Variants in LRRC4C observed in about 807,000 individuals in gnomAD.
The protein encoded by LRRC4C is leucine-rich repeat-containing protein 4C.
Under a neutral mutation model 33.6 loss-of-function variants are expected in LRRC4C, and 5 were observed. The ratio of observed to expected loss-of-function variants is 0.15; its 90% CI spans 0.08 to 0.31. The LOEUF (loss-of-function observed/expected upper bound fraction) is 0.31. Among genes scored for constraint, LRRC4C ranks in the 10% least tolerant of loss-of-function variants. LRRC4C has a pLI of 1.00. For missense variants in LRRC4C, 560 were observed against 796.7 expected (o/e 0.70, Z 3.58); for synonymous variants, 329 against 302.0 (o/e 1.09, Z -0.93).
chr11:41,458,463 G>T (rs1407604749), intron 1 of LRRC4C, among the ~76,000 whole-genome samples: 1 of 146,848 alleles, frequency 6.8e-6, no homozygotes, highest in South Asian at 2.2e-4. Flanking sequence ...ACAATGAAAT[G>T]ATATTTTGCT....
intron 4 of LRRC4C, among the ~76,000 whole-genome samples, chr11:40,250,816 T>C (rs1866732507): frequency 6.6e-6 from 1 of 152,158 alleles, no homozygotes. Context: ...ACATTCCTTA[T>C]TTCTGTAGAC....
At chr11:40,195,249 A>G (rs1417962864) in intron 5 of LRRC4C, among the ~76,000 whole-genome samples, 1 of 152,204 alleles carries the variant, frequency 6.6e-6, no homozygotes, top group African/African-American at 2.4e-5. Flanking sequence ...TACACACTAG[A>G]AAAGACTAGA....
At chr11:40,558,023 C>A (rs1054415711) in intron 3 of LRRC4C, among the ~76,000 whole-genome samples, 11 of 152,110 alleles carry the variant, frequency 7.2e-5, no homozygotes, top group Admixed American at 5.9e-4. Context: ...TTAATCCTAA[C>A]CCACTGTAAA....
intron 1 of LRRC4C, among the ~76,000 whole-genome samples, chr11:41,056,771 G>C (rs1206944627): frequency 6.6e-6 from 1 of 152,242 alleles, no homozygotes; most frequent in Non-Finnish European, 1.5e-5. Flanking sequence ...AACAGATGCT[G>C]ACAAGGTTAT....
At chr11:40,631,099 C>G (rs1018502209) in intron 3 of LRRC4C, among the ~76,000 whole-genome samples, 1 of 152,210 alleles carries the variant, frequency 6.6e-6, no homozygotes, top group Non-Finnish European at 1.5e-5. Flanking sequence ...CCTAATTCAT[C>G]TCCTGAATGT....
intron 5 of LRRC4C, among the ~76,000 whole-genome samples, chr11:40,214,648 A>G (rs911667523): frequency 2.0e-5 from 3 of 152,136 alleles, no homozygotes; most frequent in South Asian, 2.1e-4. Context: ...TAAGCACACT[A>G]CCAGAAGATT....
At chr11:40,724,580 T>A (rs1276144093) in intron 2 of LRRC4C, among the ~76,000 whole-genome samples, 1 of 152,074 alleles carries the variant, frequency 6.6e-6, no homozygotes, top group Non-Finnish European at 1.5e-5. Context: ...AAACACTACA[T>A]ACCAAAATCT....
intron 3 of LRRC4C, among the ~76,000 whole-genome samples, chr11:40,581,475 T>C (rs1017975992): frequency 5.3e-5 from 8 of 152,222 alleles, no homozygotes; most frequent in African/African-American, 1.9e-4. Context: ...TCTTTTTCTT[T>C]GTTTTGTTTC....
intron 4 of LRRC4C, among the ~76,000 whole-genome samples, chr11:40,301,402 G>T (rs1165678164): frequency 2.0e-5 from 3 of 152,198 alleles, no homozygotes; most frequent in Non-Finnish European, 4.4e-5. Context: ...GCACTGGGAA[G>T]AAAATTGCCC....
chr11:41,015,781 GA>G (rs558665591), intron 1 of LRRC4C, among the ~76,000 whole-genome samples: 11 of 152,118 alleles, frequency 7.2e-5, no homozygotes, highest in South Asian at 2.1e-4. Flanking sequence ...GTAGTGCTCA[GA>G]AACTTTCTTG....
At chr11:40,444,084 T>C (rs2137997752) in intron 3 of LRRC4C, among the ~76,000 whole-genome samples, 1 of 152,296 alleles carries the variant, frequency 6.6e-6, no homozygotes, top group African/African-American at 2.4e-5. Flanking sequence ...AATAATATTT[T>C]CTGACATTTA....
At chr11:40,453,035 GT>G (rs1215007043) in intron 3 of LRRC4C, among the ~76,000 whole-genome samples, 1 of 142,310 alleles carries the variant, frequency 7.0e-6, no homozygotes, top group East Asian at 2.1e-4. Context: ...CTGTTGTGGG[GT>G]TGGGGGAGGG....
chr11:40,944,482 G>C (rs909696687), intron 1 of LRRC4C, among the ~76,000 whole-genome samples: 1 of 152,150 alleles, frequency 6.6e-6, no homozygotes, highest in Admixed American at 6.6e-5. Flanking sequence ...CATTGAAAGA[G>C]TAACAGACTG....
chr11:41,401,252 A>T (rs1954014432), intron 1 of LRRC4C, among the ~76,000 whole-genome samples: 1 of 151,904 alleles, frequency 6.6e-6, no homozygotes, highest in Admixed American at 6.6e-5. Flanking sequence ...CAACAATTAA[A>T]ATTCAGTTCC....
intron 1 of LRRC4C, among the ~76,000 whole-genome samples, chr11:41,078,527 G>A (rs1939322528): frequency 6.6e-6 from 1 of 152,200 alleles, no homozygotes; most frequent in African/African-American, 2.4e-5. Flanking sequence ...TGAAGGAAAA[G>A]CAAACAGGTC....
At chr11:40,372,754 T>C (rs1252445100) in intron 3 of LRRC4C, among the ~76,000 whole-genome samples, 1 of 152,156 alleles carries the variant, frequency 6.6e-6, no homozygotes, top group Admixed American at 6.5e-5. Context: ...ACTGAATGTT[T>C]GGTGATCAGA....
At chr11:40,411,253 G>A (rs139260364) in intron 3 of LRRC4C, among the ~76,000 whole-genome samples, 16 of 152,128 alleles carry the variant, frequency 1.1e-4, no homozygotes, top group African/African-American at 3.4e-4. Flanking sequence ...CTGGAAAAAC[G>A]CAAAGTCACA....
At chr11:40,987,644 T>G (rs933704317) in intron 1 of LRRC4C, among the ~76,000 whole-genome samples, 2 of 88,346 alleles carry the variant, frequency 2.3e-5, no homozygotes, top group Non-Finnish European at 4.5e-5. Context: ...TATATATATA[T>G]ATATATATCT....
Position 40,713,314 on chromosome 11 carries a change from G to A in LRRC4C, c.-406-65036C>T, listed in dbSNP as rs1946555706. 2.0e-5 allele frequency among the ~76,000 whole-genome samples: 3 copies of A among 152,102 alleles called. No homozygotes were observed. The South Asian group carries it at 6.2e-4, about 31-fold the overall frequency. On this transcript the variant is annotated intron_variant, in intron 2 of 6. Coordinates refer to ENST00000528697, the MANE Select transcript of LRRC4C (RefSeq NM_001258419.2). Reference sequence around the variant, plus strand: ...AAGTTCTGCTATTTATTTGAAATTTGGACAGAACAAGTGAGCATGCCCTTT... The same window carrying A: ...AAGTTCTGCTATTTATTTGAAATTTAGACAGAACAAGTGAGCATGCCCTTT...
Sources: allele counts gnomAD v4.1 joint callset (sites outside exome capture counted in the v4.1 genomes callset), GRCh38; gene constraint gnomAD v4.1.1; transcripts MANE v1.5; gene names NCBI Gene and HGNC (gene_info 2026-07-23, HGNC 2026-07-21).